The following PCGF3 variants were observed in gnomAD, a reference collection of about 807,000 sequenced individuals.
PCGF3 encodes polycomb group ring finger 3.
PCGF3 carries 7 observed loss-of-function variants against 33.1 expected under a neutral mutation model. That is an observed-to-expected ratio of 0.21 (90% CI 0.12 to 0.40). The LOEUF (loss-of-function observed/expected upper bound fraction) is 0.40, where lower values mean the gene tolerates loss of function less well. Among genes scored for constraint, PCGF3 ranks in the 10% least tolerant of loss-of-function variants. The pLI is 1.00. For synonymous variants in PCGF3, 153 were observed against 121.3 expected (o/e 1.26, Z -1.72); for missense variants, 211 against 313.3 (o/e 0.67, Z 2.46).
intron 9 of PCGF3, among the ~76,000 whole-genome samples, chr4:763,333 G>C (rs753722845): frequency 6.6e-6 from 1 of 152,120 alleles, no homozygotes; most frequent in African/African-American, 2.4e-5. Context: ...GTGGGGAAGA[G>C]GTTGGCCATT....
chr4:768,050 T>A lies in PCGF3; in HGVS notation c.*1971T>A, dbSNP rs1482158491. ...ATGAAACTGAATATCATTGTAATAA[T>A]CTCATAATATATATTTGTAACTTTG... On this transcript the variant is annotated 3_prime_UTR_variant, in exon 11 of 11. Transcript: ENST00000362003. 3 of 152,654 alleles carry A rather than the reference T, an allele frequency of 2.0e-5. No individual in the cohort carries two copies. The South Asian group carries it at 6.2e-4, about 32-fold the overall frequency. The allele number at this position is 152,654 out of a possible 1,614,324, so 9.5% of individuals were successfully genotyped here.
intron 8 of PCGF3, among the ~76,000 whole-genome samples, chr4:758,139 C>G (rs1404224129): frequency 1.4e-5 from 2 of 140,492 alleles, no homozygotes; most frequent in East Asian, 4.1e-4. Context: ...CGGCATCCAG[C>G]CTGGCTACAG....
intron 6 of PCGF3, among the ~76,000 whole-genome samples, 158 bp from the exon 7 acceptor site, chr4:743,316 C>T (rs1255066988): frequency 6.6e-6 from 1 of 152,212 alleles, no homozygotes; most frequent in African/African-American, 2.4e-5. Context: ...CTGTGCTGAG[C>T]CCCCAAAACA....
chr4:752,570 G>A (rs1744569910), intron 8 of PCGF3, among the ~76,000 whole-genome samples: 2 of 152,206 alleles, frequency 1.3e-5, no homozygotes, highest in South Asian at 4.1e-4. Flanking sequence ...GGTGGGGTTT[G>A]TGGATAAGGA....
At chr4:730,368 C>T (rs1743499820) in intron 1 of PCGF3, among the ~76,000 whole-genome samples, 1 of 152,174 alleles carries the variant, frequency 6.6e-6, no homozygotes, top group South Asian at 2.1e-4. Context: ...GGGCCCCCAG[C>T]TGCCCCCCCA....
intron 8 of PCGF3, among the ~76,000 whole-genome samples, chr4:753,397 G>GTAATCCC (rs1744613851): frequency 6.6e-6 from 1 of 152,176 alleles, no homozygotes; most frequent in African/African-American, 2.4e-5. Context: ...GCTCACGCCC[G>GTAATCCC]TAATCCCAGC....
Position 734,916 on chromosome 4 carries a change from G to C in PCGF3, c.110-15G>C. ...CTCTAGACGCTCTCCTAACACACCTGTGCTTTGATGACAGTCTGCAGGAGC... is the reference window on the plus strand; with the variant it reads ...CTCTAGACGCTCTCCTAACACACCTCTGCTTTGATGACAGTCTGCAGGAGC... On this transcript the variant is annotated splice_polypyrimidine_tract_variant and intron_variant, in intron 4 of 10. Coordinates refer to ENST00000362003, the Ensembl canonical transcript of PCGF3. 1.2e-6 allele frequency: 2 copies of C among 1,612,170 alleles called. No individual in the cohort carries two copies. The highest frequency in any genetic ancestry group is 1.7e-6 in the Non-Finnish European group (2 of 1,179,390).
At position 752,456 on chromosome 4, in the gene PCGF3, A is replaced by C. The variant is rs376695628; in HGVS notation, c.462+7768A>C. Reference sequence around the variant, plus strand: ...TCTTTGGGAGCAGCCGGCGGGTTTCATGGATGCACGGCCACAGCTGTTCCG... The same window carrying C: ...TCTTTGGGAGCAGCCGGCGGGTTTCCTGGATGCACGGCCACAGCTGTTCCG... On this transcript the variant is annotated intron_variant, in intron 8 of 10. Coordinates refer to ENST00000362003, the Ensembl canonical transcript of PCGF3. 1.5e-4 allele frequency among the ~76,000 whole-genome samples: 23 copies of C among 152,224 alleles called. No individual in the cohort carries two copies. The South Asian group carries it at 2.9e-3, about 19-fold the overall frequency.
chr4:765,073 C>G lies in PCGF3; in HGVS notation c.681+9C>G, dbSNP rs770607620. ...CTAGGTGGAGATTCAAGGTGAGACA[C>G]GTGATTTGATTTTCAGAGTCTGCTC... On this transcript the variant is annotated intron_variant, in intron 10 of 10. Coordinates refer to ENST00000362003, the Ensembl canonical transcript of PCGF3. 43 of 1,595,614 alleles carry G rather than the reference C, an allele frequency of 2.7e-5. 1 individual carries two copies. In the South Asian group the frequency reaches 4.3e-4, roughly 16 times the overall value.
intron 1 of PCGF3, among the ~76,000 whole-genome samples, chr4:727,942 C>G (rs1274512013): frequency 6.6e-6 from 1 of 152,160 alleles, no homozygotes; most frequent in African/African-American, 2.4e-5. Context: ...CACCTGCATC[C>G]CTCCGGGGCC....
chr4:715,513 G>A (rs1220397729), intron 1 of PCGF3, among the ~76,000 whole-genome samples: 1 of 146,606 alleles, frequency 6.8e-6, no homozygotes, highest in African/African-American at 2.5e-5. Flanking sequence ...TGGGAGAACT[G>A]GGCGTCGGTG....
chr4:755,029 G>A (rs142569826), intron 8 of PCGF3, among the ~76,000 whole-genome samples: 61 of 152,340 alleles, frequency 4.0e-4, no homozygotes, highest in South Asian at 6.2e-4. Flanking sequence ...CATAGACAGC[G>A]ACAGGTCTTT....
At chr4:737,362 C>A (rs2152578122) in intron 5 of PCGF3, 104 bp from the exon 6 acceptor site, 1 of 790,456 alleles carries the variant, frequency 1.3e-6, no homozygotes, top group Non-Finnish European at 2.2e-6. Flanking sequence ...TCCAACAAAG[C>A]TCCAGACTGG....
chr4:768,297 C>G (rs1242334516), exon 11 of PCGF3: 1 of 152,640 alleles, frequency 6.6e-6, no homozygotes, highest in African/African-American at 2.4e-5. Flanking sequence ...GGGCCTCTGC[C>G]TCTCGTCTGA....
chr4:760,963 A>C (rs1187040434), intron 8 of PCGF3, among the ~76,000 whole-genome samples: 1 of 152,242 alleles, frequency 6.6e-6, no homozygotes, highest in Non-Finnish European at 1.5e-5. Flanking sequence ...TTGTCCGGAC[A>C]GGCTTAGCTG....
intron 8 of PCGF3, among the ~76,000 whole-genome samples, chr4:748,253 G>T (rs949133756): frequency 6.6e-6 from 1 of 151,358 alleles, no homozygotes; most frequent in Non-Finnish European, 1.5e-5. Flanking sequence ...AGGCTGGAAT[G>T]CGGTGGCACC....
Position 709,831 on chromosome 4 carries a change from G to A in PCGF3, c.-190+3861G>A, listed in dbSNP as rs143287667. On this transcript the variant is annotated intron_variant, in intron 1 of 10. Transcript: ENST00000362003. ...AGTGTCAGCCACGTCGTGTCCCTGC[G>A]TGGTCAGCCTGGACCTAGAAGCTCT... Among the ~76,000 whole-genome samples, 213 of 152,334 alleles carry A rather than the reference G, an allele frequency of 1.4e-3. 1 individual carries two copies. Among genetic ancestry groups the A allele is most frequent in the Admixed American group, 0.011 (171 of 15,300 alleles).
At chr4:714,184 G>A (rs1033241440) in intron 1 of PCGF3, among the ~76,000 whole-genome samples, 3 of 152,176 alleles carry the variant, frequency 2.0e-5, no homozygotes, top group South Asian at 4.1e-4. Context: ...ATCTGCGAGC[G>A]CCTTGATTCT....
At chr4:731,682 A>AT (rs1743573925) in intron 3 of PCGF3, among the ~76,000 whole-genome samples, 1 of 39,346 alleles carries the variant, frequency 2.5e-5, no homozygotes, top group African/African-American at 8.4e-5. Flanking sequence ...CGTGGTCCTC[A>AT]GGGGCGTAGG....
Sources: gnomAD v4.1 joint callset for allele counts (sites outside exome capture counted in the v4.1 genomes callset) on GRCh38, gnomAD v4.1.1 for gene constraint, MANE v1.5 for transcripts, NCBI Gene and HGNC (gene_info 2026-07-23, HGNC 2026-07-21) for gene names.